SACM1L: variants seen among roughly 807,000 people sequenced by gnomAD.
SACM1L encodes phosphatidylinositol-3-phosphatase SAC1.
Under a neutral mutation model 89.5 loss-of-function variants are expected in SACM1L, and 32 were observed. That is an observed-to-expected ratio of 0.36 (90% CI 0.27 to 0.48). The LOEUF is 0.48. Among genes scored for constraint, SACM1L ranks in the 20% least tolerant of loss-of-function variants. SACM1L has a pLI of 0.99. For missense variants in SACM1L, 543 were observed against 708.5 expected, an observed-to-expected ratio of 0.77 and a Z score of 2.65; for synonymous variants, 213 against 232.8, an observed-to-expected ratio of 0.92 and a Z score of 0.77.
intron 1 of SACM1L, 73 bp downstream of exon 1, chr3:45,689,570 G>A: frequency 6.7e-7 from 1 of 1,496,114 alleles, no homozygotes. Context: ...CTCGGGGAGG[G>A]CTTCTGAGTC....
Position 45,722,033 on chromosome 3 carries a change from T to C in SACM1L, c.713T>C (p.Val238Ala). Residue 238 changes from valine (V) to alanine (A), a missense_variant, in exon 9 of 20, where the codon GTA becomes GCA. Physicochemically the swap from Val to Ala is moderately conservative, Grantham distance 64 (BLOSUM62 0). Transcript: ENST00000389061. Reference protein sequence around the residue: ...IDSEGHAANFVETEQIVHYNG... With the variant: ...IDSEGHAANFAETEQIVHYNG... ...TCGGAAGGCCATGCAGCTAACTTTG[T>C]AGAAACAGAACAAATTGTGCACTAC... 1.9e-6 allele frequency: 3 copies of C among 1,613,128 alleles called. No individual in the cohort carries two copies. The highest frequency in any genetic ancestry group is 2.5e-6 in the Non-Finnish European group (3 of 1,179,552).
rs552090612 is a variant in SACM1L, at chr3:45,717,820, G to A, written c.578-1680G>A. Among the ~76,000 whole-genome samples, 3 of 152,386 alleles carry A rather than the reference G, an allele frequency of 2.0e-5. No homozygotes were observed. In the East Asian group the frequency reaches 5.8e-4, roughly 29 times the overall value. ...AGTCCCAGCTACCTGGGAGGCCAAG[G>A]TGAGAGGATGGCTTGGGCCCAAGAG... On this transcript the variant is annotated intron_variant, in intron 7 of 19. Coordinates refer to ENST00000389061, the MANE Select transcript of SACM1L (RefSeq NM_014016.5).
At chr3:45,697,268 CCTTTTTT>C (rs1389355819) in intron 1 of SACM1L, among the ~76,000 whole-genome samples, 4 of 110,612 alleles carry the variant, frequency 3.6e-5, no homozygotes, top group Non-Finnish European at 7.1e-5. Flanking sequence ...CTTTTCTTTT[CCTTTTTT>C]TTTTTTTTTT....
chr3:45,742,789 A>T (rs935938540), intron 19 of SACM1L: 5 of 152,238 alleles, frequency 3.3e-5, no homozygotes, highest in African/African-American at 1.2e-4. Flanking sequence ...GGATGTCCGC[A>T]CTAAGTTCAG....
At chr3:45,739,470 C>A in intron 18 of SACM1L, 117 bp from the exon 19 acceptor site, 1 of 864,062 alleles carries the variant, frequency 1.2e-6, no homozygotes, top group Non-Finnish European at 2.0e-6. Context: ...AAGATATTAG[C>A]TGTGTATTAG....
rs543281354 is a variant in SACM1L at position 45,727,184 on chromosome 3, C to G, written c.921+3641C>G. Among the ~76,000 whole-genome samples the G allele has an allele frequency of 1.4e-4, 3 of 21,736 alleles. 1 individual carries two copies. The highest frequency in any genetic ancestry group is 2.5e-4 in the Non-Finnish European group (2 of 7,938). 14.3% of individuals were successfully genotyped at this position (21,736 alleles called of 152,430 possible). On this transcript the variant is annotated intron_variant, in intron 11 of 19. Coordinates refer to ENST00000389061, the MANE Select transcript of SACM1L (RefSeq NM_014016.5). ...ACAGGCGTGAGCCACCGCGCCCGGCCGCTTTATTTCATACATTTGGTATAT... is the reference window on the plus strand; with the variant it reads ...ACAGGCGTGAGCCACCGCGCCCGGCGGCTTTATTTCATACATTTGGTATAT...
chr3:45,696,767 T>C (rs1423915680), intron 1 of SACM1L, among the ~76,000 whole-genome samples: 1 of 152,198 alleles, frequency 6.6e-6, no homozygotes, highest in Non-Finnish European at 1.5e-5. Context: ...AAGAGATCAG[T>C]TGTCTGAAAT....
intron 1 of SACM1L, among the ~76,000 whole-genome samples, chr3:45,693,222 T>A (rs1452317805): frequency 6.6e-6 from 1 of 152,228 alleles, no homozygotes. Flanking sequence ...ATGTGTAGTC[T>A]GTCGTTGACC....
intron 7 of SACM1L, among the ~76,000 whole-genome samples, chr3:45,716,837 G>A (rs1159408162): frequency 1.3e-5 from 2 of 152,136 alleles, no homozygotes; most frequent in Non-Finnish European, 2.9e-5. Flanking sequence ...CATTTTAAAA[G>A]TTATGCTGAT....
chr3:45,728,327 G>C (rs962411390), intron 11 of SACM1L, among the ~76,000 whole-genome samples: 1 of 151,974 alleles, frequency 6.6e-6, no homozygotes, highest in African/African-American at 2.4e-5. Context: ...TTTGTTACTT[G>C]TTTTCTGTGT....
chr3:45,719,123 C>G (rs773463034), intron 7 of SACM1L, among the ~76,000 whole-genome samples: 7 of 151,998 alleles, frequency 4.6e-5, no homozygotes, highest in Non-Finnish European at 1.0e-4. Flanking sequence ...CCTTCCCTCC[C>G]CATTTTGTGT....
chr3:45,737,539 T>C, intron 14 of SACM1L, 44 bp from the exon 15 acceptor site: 2 of 1,555,324 alleles, frequency 1.3e-6, no homozygotes, highest in Non-Finnish European at 1.7e-6. Flanking sequence ...CCATGTCTGC[T>C]AAAATCTATT....
In SACM1L at chr3:45,698,572, CAA is replaced by C. The variant is rs377555367; in HGVS notation, c.33-4864_33-4863del. Among the ~76,000 whole-genome samples the C allele has an allele frequency of 3.9e-5, 6 of 152,018 alleles. No individual in the cohort carries two copies. The East Asian group carries it at 9.7e-4, about 24-fold the overall frequency. On this transcript the variant is annotated intron_variant, in intron 1 of 19. Transcript: ENST00000389061. ...TGTTATAATACTTTTTTTTTTGAGA[CAA>C]AGTCTCGCTCTTGTGCCCCAGGCTG...
At chr3:45,738,196 T>C (rs764010131) in intron 16 of SACM1L, among the ~76,000 whole-genome samples, 1 of 152,234 alleles carries the variant, frequency 6.6e-6, no homozygotes, top group Non-Finnish European at 1.5e-5. Flanking sequence ...ATGAGGACAT[T>C]AATGAGAACA....
At chr3:45,742,058 A>G (rs1699327737) in intron 19 of SACM1L, among the ~76,000 whole-genome samples, 1 of 152,152 alleles carries the variant, frequency 6.6e-6, no homozygotes, top group African/African-American at 2.4e-5. Flanking sequence ...TGTTGTTGTG[A>G]CTATACCCAC....
At chr3:45,719,294 A>G (rs1698734904) in intron 7 of SACM1L, among the ~76,000 whole-genome samples, 1 of 152,198 alleles carries the variant, frequency 6.6e-6, no homozygotes, top group African/African-American at 2.4e-5. Flanking sequence ...CTTCTTAAAC[A>G]TACTACCTTC....
chr3:45,743,543 G>T lies in SACM1L; in HGVS notation c.1638G>T (p.Trp546Cys). 6.2e-7 allele frequency: 1 copy of T among 1,610,176 alleles called. No homozygotes were observed. Among genetic ancestry groups the T allele is most frequent in the South Asian group, 1.1e-5 (1 of 89,990 alleles). Residue 546 changes from tryptophan (W) to cysteine (C), a missense_variant, in exon 20 of 20, where the codon TGG becomes TGT. By Grantham distance (215) the Trp-to-Cys change is radical. Around this residue, in one of 2 missense-constraint regions of SACM1L, gnomAD observed 370 missense variants for 527.6 expected, o/e 0.70. Coordinates refer to ENST00000389061, the MANE Select transcript of SACM1L (RefSeq NM_014016.5). ...IICLLMAGDT[W>C]TETLAYVLFW... Reference sequence around the variant, plus strand: ...TCTTAATATCAACAGGTGACACTTGGACAGAAACACTGGCCTATGTGCTCT... The same window carrying T: ...TCTTAATATCAACAGGTGACACTTGTACAGAAACACTGGCCTATGTGCTCT...
intron 1 of SACM1L, among the ~76,000 whole-genome samples, chr3:45,692,466 G>A (rs754283303): frequency 6.6e-6 from 1 of 152,074 alleles, no homozygotes; most frequent in Non-Finnish European, 1.5e-5. Flanking sequence ...TGGGACTACA[G>A]GTGCACATCA....
chr3:45,738,513 G>A (rs988183065), intron 16 of SACM1L, 65 bp from the exon 17 acceptor site: 11 of 910,734 alleles, frequency 1.2e-5, no homozygotes, highest in Admixed American at 1.9e-5. Context: ...ATGCTTATTG[G>A]CCATAAAACA....
Sources: gnomAD v4.1 joint callset for allele counts (sites outside exome capture counted in the v4.1 genomes callset) on GRCh38, gnomAD v4.1.1 for gene constraint, gnomAD v4.1.1 regional missense constraint, MANE v1.5 for transcripts, NCBI Gene and HGNC (gene_info 2026-07-23, HGNC 2026-07-21) for gene names.